Variants in DPP10 observed in about 807,000 individuals in gnomAD.
DPP10 encodes the protein inactive dipeptidyl peptidase 10.
Under a neutral mutation model 120.9 loss-of-function variants are expected in DPP10, and 33 were observed. The ratio of observed to expected loss-of-function variants is 0.27; its 90% CI spans 0.21 to 0.37. The LOEUF (loss-of-function observed/expected upper bound fraction) is 0.37, where lower values mean the gene tolerates loss of function less well. Among genes scored for constraint, DPP10 ranks in the 10% least tolerant of loss-of-function variants. DPP10 has a pLI of 1.00. For synonymous variants in DPP10, 337 were observed against 326.1 expected, an observed-to-expected ratio of 1.03 and a Z score of -0.36; for missense variants, 816 against 942.8, an observed-to-expected ratio of 0.87 and a Z score of 1.76.
At chr2:114,830,873 T>G (rs1182956436) in intron 1 of DPP10, among the ~76,000 whole-genome samples, 1 of 152,102 alleles carries the variant, frequency 6.6e-6, no homozygotes. Context: ...TGATTAGTCA[T>G]TTTTAAATTT....
intron 1 of DPP10, among the ~76,000 whole-genome samples, chr2:115,077,735 C>T (rs1707919243): frequency 6.6e-6 from 1 of 152,204 alleles, no homozygotes; most frequent in African/African-American, 2.4e-5. Flanking sequence ...CTGTTGCCCT[C>T]AAGAACAGCC....
At chr2:115,617,501 C>T (rs2084612523) in intron 5 of DPP10, among the ~76,000 whole-genome samples, 1 of 151,488 alleles carries the variant, frequency 6.6e-6, no homozygotes, top group Non-Finnish European at 1.5e-5. Flanking sequence ...CTATAGACTA[C>T]ATAAAGACAG....
At chr2:115,436,259 C>G (rs553860571) in intron 3 of DPP10, among the ~76,000 whole-genome samples, 1 of 151,742 alleles carries the variant, frequency 6.6e-6, no homozygotes, top group East Asian at 1.9e-4. Flanking sequence ...ATGTTCTTAC[C>G]TCTGTGTTTG....
At chr2:114,933,550 T>C (rs1019484011) in intron 1 of DPP10, among the ~76,000 whole-genome samples, 1 of 152,208 alleles carries the variant, frequency 6.6e-6, no homozygotes, top group South Asian at 2.1e-4. Flanking sequence ...CATTCACTAC[T>C]GGTCCTCTGA....
intron 4 of DPP10, among the ~76,000 whole-genome samples, chr2:115,511,731 C>CT (rs61236857): frequency 0.068 from 5,574 of 82,366 alleles, 184 homozygotes; most frequent in African/African-American, 0.12. Flanking sequence ...TCTTCTTCTT[C>CT]TTTTTTTTTT....
At chr2:114,719,006 C>A (rs1701533059) in intron 1 of DPP10, among the ~76,000 whole-genome samples, 1 of 152,162 alleles carries the variant, frequency 6.6e-6, no homozygotes, top group African/African-American at 2.4e-5. Context: ...TCAAGCCTGG[C>A]TTATATGCCT....
rs74567449 is a variant in DPP10, at chr2:114,732,195, G to A, written c.60+289357G>A. 9.4e-3 allele frequency among the ~76,000 whole-genome samples: 1,428 copies of A among 152,266 alleles called. 22 individuals carry two copies. Among genetic ancestry groups the A allele is most frequent in the African/African-American group, 0.032 (1,344 of 41,546 alleles). ...ATCATGAGAGCTCCTAGGTGCCAGA[G>A]CCTGGGAATATTAGACTGCTTAGTT... On this transcript the variant is annotated intron_variant, in intron 1 of 25. Transcript: ENST00000410059.
chr2:114,807,227 C>T (rs1238430482), intron 1 of DPP10, among the ~76,000 whole-genome samples: 1 of 152,062 alleles, frequency 6.6e-6, no homozygotes, highest in Non-Finnish European at 1.5e-5. Context: ...TATTTCTGAT[C>T]AAAATCATTT....
chr2:115,680,607 A>C (rs1177776272), intron 5 of DPP10, among the ~76,000 whole-genome samples: 3 of 152,106 alleles, frequency 2.0e-5, no homozygotes, highest in Non-Finnish European at 4.4e-5. Flanking sequence ...TAAATTTTAA[A>C]AGTACTAGAA....
intron 1 of DPP10, among the ~76,000 whole-genome samples, chr2:114,968,350 C>G (rs903222094): frequency 1.3e-5 from 2 of 152,154 alleles, no homozygotes; most frequent in Admixed American, 6.6e-5. Flanking sequence ...TATGCTTTCA[C>G]CAAACTTTAT....
At chr2:115,025,808 A>C (rs1703418661) in intron 1 of DPP10, among the ~76,000 whole-genome samples, 3 of 151,792 alleles carry the variant, frequency 2.0e-5, no homozygotes, top group Non-Finnish European at 4.4e-5. Context: ...GTCTTCTTTG[A>C]GAAATGTTTT....
intron 1 of DPP10, among the ~76,000 whole-genome samples, chr2:115,042,780 A>G (rs1472539294): frequency 6.6e-6 from 1 of 152,336 alleles, no homozygotes; most frequent in South Asian, 2.1e-4. Flanking sequence ...AATCTATTGT[A>G]TAGTATCTGC....
At chr2:115,226,481 A>G (rs747511139) in intron 1 of DPP10, among the ~76,000 whole-genome samples, 1 of 152,220 alleles carries the variant, frequency 6.6e-6, no homozygotes, top group African/African-American at 2.4e-5. Flanking sequence ...CATTTGAGAC[A>G]TAGTAAACTC....
intron 1 of DPP10, among the ~76,000 whole-genome samples, chr2:115,069,421 T>A (rs1036618461): frequency 6.6e-6 from 1 of 152,092 alleles, no homozygotes; most frequent in Non-Finnish European, 1.5e-5. Flanking sequence ...GCTTATTAGT[T>A]CTAACACTTT....
chr2:115,788,478 G>A (rs979541854), intron 17 of DPP10, among the ~76,000 whole-genome samples: 1 of 152,012 alleles, frequency 6.6e-6, no homozygotes, highest in African/African-American at 2.4e-5. Context: ...TCCCTGACAA[G>A]ATCAATAAAG....
chr2:115,207,664 T>A (rs1016151865), intron 1 of DPP10, among the ~76,000 whole-genome samples: 21 of 152,234 alleles, frequency 1.4e-4, no homozygotes, highest in African/African-American at 3.9e-4. Context: ...TCAGTGAGAC[T>A]AGAGCAGAGT....
intron 1 of DPP10, among the ~76,000 whole-genome samples, chr2:114,646,408 G>T (rs1696140771): frequency 6.6e-6 from 1 of 152,008 alleles, no homozygotes; most frequent in East Asian, 1.9e-4. Context: ...AACGACAAGG[G>T]CACATATCAC....
chr2:115,841,951 G>A (rs1174585857), intron 25 of DPP10, among the ~76,000 whole-genome samples: 2 of 152,138 alleles, frequency 1.3e-5, no homozygotes, highest in African/African-American at 4.8e-5. Flanking sequence ...CTGAGGGCAA[G>A]GTTAGTCCAT....
At chr2:115,639,245 C>T (rs2086588299) in intron 5 of DPP10, among the ~76,000 whole-genome samples, 2 of 152,182 alleles carry the variant, frequency 1.3e-5, no homozygotes, top group Admixed American at 6.5e-5. Flanking sequence ...TTCTTCCTTC[C>T]ATATCTCACT....
Sources: gnomAD v4.1 joint callset for allele counts (sites outside exome capture counted in the v4.1 genomes callset) on GRCh38, gnomAD v4.1.1 for gene constraint, MANE v1.5 for transcripts, NCBI Gene and HGNC (gene_info 2026-07-23, HGNC 2026-07-21) for gene names.